Variants in STARD7 observed in about 807,000 individuals in gnomAD.
STARD7 encodes the protein StAR related lipid transfer domain containing 7.
STARD7 carries 30 observed loss-of-function variants against 45.3 expected under a neutral mutation model. The ratio of observed to expected loss-of-function variants is 0.66; its 90% CI spans 0.50 to 0.90. The LOEUF (loss-of-function observed/expected upper bound fraction) is 0.90, where lower values mean the gene tolerates loss of function less well. STARD7 is among the 40% of genes least tolerant of loss of function. The pLI is 0.00. For synonymous variants in STARD7, 199 were observed against 183.0 expected (o/e 1.09, Z -0.70); for missense variants, 495 against 491.3 (o/e 1.01, Z -0.07).
At position 96,208,291 on chromosome 2, in the gene STARD7, G is replaced by A. The variant is rs1013167660; in HGVS notation, c.144C>T (p.Leu48=). Residue 48 remains leucine, a synonymous_variant, in exon 1 of 8, where the codon CTC becomes CTT. Transcript: ENST00000337288. The part of the protein sequence containing the change: ...AQQIAQLYGR[L]YSESSRRVLL... ...GAACGCGGCGTGAGCTCTCGGAGTAGAGGCGGCCGTAGAGCTGCGCGATCT... is the reference window on the plus strand; with the variant it reads ...GAACGCGGCGTGAGCTCTCGGAGTAAAGGCGGCCGTAGAGCTGCGCGATCT... 1 of 1,610,372 alleles carries A rather than the reference G, an allele frequency of 6.2e-7. No individual in the cohort carries two copies. Among genetic ancestry groups the A allele is most frequent in the Non-Finnish European group, 8.5e-7 (1 of 1,179,050 alleles).
Position 96,192,483 on chromosome 2 carries a change from A to T in STARD7, c.744-15T>A, listed in dbSNP as rs1339116096. ...GCTCCACAGCACTGGTAAGGAGGAA[A>T]GGAGAAGCAAACTCTTAGTAATGTC... On this transcript the variant is annotated splice_polypyrimidine_tract_variant and intron_variant, in intron 5 of 7. Transcript: ENST00000337288. 7.5e-6 allele frequency: 12 copies of T among 1,597,984 alleles called. No individual in the cohort carries two copies. In the East Asian group the frequency reaches 2.5e-4, roughly 33 times the overall value.
chr2:96,199,376 TAC>T (rs1402780997), intron 1 of STARD7, among the ~76,000 whole-genome samples: 2 of 152,268 alleles, frequency 1.3e-5, no homozygotes, highest in African/African-American at 2.4e-5. Context: ...TTTTTAGTGT[TAC>T]AGTTTTAGTT....
At chr2:96,192,158 TG>T (rs2104178755) in intron 6 of STARD7, among the ~76,000 whole-genome samples, 1 of 152,310 alleles carries the variant, frequency 6.6e-6, no homozygotes, top group South Asian at 2.1e-4. Flanking sequence ...AGGGAACCAA[TG>T]GATTGCCACT....
At position 96,192,365 on chromosome 2, in the gene STARD7, T is replaced by A; in HGVS notation, c.843+4A>T. 1.2e-6 allele frequency: 2 copies of A among 1,609,042 alleles called. No homozygotes were observed. The highest frequency in any genetic ancestry group is 1.7e-6 in the Non-Finnish European group (2 of 1,175,508). ...TGTTATCTCTTGGATGAGGTAAAAC[T>A]CACCTCATCAAATGACTTGTGGGGA... On this transcript the variant is annotated splice_donor_region_variant and intron_variant, in intron 6 of 7. Transcript: ENST00000337288.
In STARD7 at chr2:96,208,393, C is replaced by T; in HGVS notation, c.42G>A (p.Thr14=). The T allele has an allele frequency of 1.4e-6, 2 of 1,468,870 alleles. No individual in the cohort carries two copies. Among genetic ancestry groups the T allele is most frequent in the Non-Finnish European group, 1.8e-6 (2 of 1,119,812 alleles). The allele number at this position is 1,468,870 out of a possible 1,614,324, so 91.0% of individuals were successfully genotyped here. The change falls in exon 1 of 8, where the codon ACG becomes ACA. Residue 14 remains threonine, a synonymous_variant. Coordinates refer to ENST00000337288, the MANE Select transcript of STARD7 (RefSeq NM_020151.4). ...RRLLAAWLAG[T]RGGGLLALLA... is the part of the protein sequence containing the mutation. ...GAAGCGCCAGCAGGCCCCCGCCCCG[C>T]GTCCCCGCCAGCCAGGCGGCCAGCA...
At chr2:96,189,530 C>T (rs1057116466) in intron 6 of STARD7, among the ~76,000 whole-genome samples, 1 of 151,986 alleles carries the variant, frequency 6.6e-6, no homozygotes, top group African/African-American at 2.4e-5. Flanking sequence ...CATGGTGAAG[C>T]CCTGTCTCTA....
At position 96,189,688 on chromosome 2, in the gene STARD7, A is replaced by G. The variant is rs979381306; in HGVS notation, c.844-2387T>C. Among the ~76,000 whole-genome samples, 12 of 151,062 alleles carry G rather than the reference A, an allele frequency of 7.9e-5. No individual in the cohort carries two copies. In the East Asian group the frequency reaches 2.4e-3, roughly 30 times the overall value. On this transcript the variant is annotated intron_variant, in intron 6 of 7. Coordinates refer to ENST00000337288, the MANE Select transcript of STARD7 (RefSeq NM_020151.4). ...ACCACTGCACTCCAGCCTGCACAAC[A>G]GAACGAGACTCCGTCTCCAAAAAAA...
chr2:96,199,601 C>T (rs1046606804), intron 1 of STARD7, among the ~76,000 whole-genome samples: 10 of 152,068 alleles, frequency 6.6e-5, no homozygotes, highest in African/African-American at 2.4e-4. Flanking sequence ...ATGTCAGCTG[C>T]AAATAGAGAT....
intron 6 of STARD7, among the ~76,000 whole-genome samples, chr2:96,190,130 A>G (rs1160625214): frequency 6.6e-6 from 1 of 152,150 alleles, no homozygotes; most frequent in Non-Finnish European, 1.5e-5. Flanking sequence ...AGGACTCCCT[A>G]AAGAAATGTT....
chr2:96,193,296 A>C lies in STARD7; in HGVS notation c.606T>G (p.Ile202Met). 3 of 1,613,698 alleles carry C rather than the reference A, an allele frequency of 1.9e-6. No homozygotes were observed. Among genetic ancestry groups the C allele is most frequent in the Non-Finnish European group, 2.5e-6 (3 of 1,179,716 alleles). Residue 202 changes from isoleucine (I) to methionine (M), a missense_variant, in exon 4 of 8, where the codon ATT (isoleucine) becomes ATG (methionine). This residue lies in a region of STARD7 where 213 missense variants were observed against 271.2 expected (regional missense o/e 0.79). Transcript: ENST00000337288. Reference sequence around the variant, plus strand: ...CGGAACCACTAACCACATCCCTCTCAATCACCTCCAGCTTGATTACCAGGG... The same window carrying C: ...CGGAACCACTAACCACATCCCTCTCCATCACCTCCAGCTTGATTACCAGGG... Reference protein sequence around the residue: ...WDALVIKLEVIERDVVSGSEV... With the variant: ...WDALVIKLEVMERDVVSGSEV...
intron 6 of STARD7, among the ~76,000 whole-genome samples, chr2:96,190,279 A>T (rs1176176919): frequency 6.6e-6 from 1 of 152,114 alleles, no homozygotes; most frequent in East Asian, 1.9e-4. Context: ...ACTGGAATCA[A>T]TTTGAGCATC....
At chr2:96,194,017 C>T (rs1272902258) in intron 3 of STARD7, among the ~76,000 whole-genome samples, 4 of 152,174 alleles carry the variant, frequency 2.6e-5, no homozygotes, top group Admixed American at 2.6e-4. Context: ...AACCATCTTC[C>T]CCTACAAGGA....
At chr2:96,187,581 T>C (rs1683056780) in intron 6 of STARD7, 1 of 273,096 alleles carries the variant, frequency 3.7e-6, no homozygotes, top group Non-Finnish European at 7.0e-6. Context: ...TGGTTTATGC[T>C]GAACACAGGC....
intron 6 of STARD7, 28 bp downstream of exon 6, chr2:96,192,341 G>A (rs2104179067): frequency 6.6e-7 from 1 of 1,510,920 alleles, no homozygotes; most frequent in South Asian, 1.1e-5. Context: ...GCCATGACAT[G>A]TTATCTCTTG....
At chr2:96,188,906 C>T (rs1407148528) in intron 6 of STARD7, among the ~76,000 whole-genome samples, 1 of 148,280 alleles carries the variant, frequency 6.7e-6, no homozygotes, top group Non-Finnish European at 1.5e-5. Context: ...AAAAACAAAA[C>T]AAAACAAACA....
chr2:96,187,371 A>C, intron 6 of STARD7, 70 bp from the exon 7 acceptor site: 1 of 953,488 alleles, frequency 1.0e-6, no homozygotes, highest in East Asian at 2.4e-5. Flanking sequence ...CCAGTACCAT[A>C]GAATAACTAT....
At chr2:96,192,532 T>A (rs983007524) in intron 5 of STARD7, 64 bp from the exon 6 acceptor site, 238 of 1,282,784 alleles carry the variant, frequency 1.9e-4, no homozygotes, top group Non-Finnish European at 2.5e-4. Context: ...ACAGGAGAGC[T>A]AAGTTAAGGG....
intron 6 of STARD7, chr2:96,187,754 T>C (rs1683059546): frequency 6.5e-6 from 1 of 152,886 alleles, no homozygotes. Context: ...GGTCAAGAGT[T>C]CAAGACAAGC....
At chr2:96,208,107 C>T (rs763589823) in intron 1 of STARD7, 38 bp downstream of exon 1, 16 of 1,497,524 alleles carry the variant, frequency 1.1e-5, no homozygotes, top group Non-Finnish European at 1.4e-5. Flanking sequence ...CAAGCCCCCC[C>T]ACCCCACGGC....
Sources: gnomAD v4.1 joint callset for allele counts (sites outside exome capture counted in the v4.1 genomes callset) on GRCh38, gnomAD v4.1.1 for gene constraint, gnomAD v4.1.1 regional missense constraint, MANE v1.5 for transcripts, NCBI Gene and HGNC (gene_info 2026-07-23, HGNC 2026-07-21) for gene names.